Variants in PRKCE observed in about 807,000 individuals in gnomAD.
The protein encoded by PRKCE is protein kinase C epsilon type.
PRKCE carries 16 observed loss-of-function variants against 85.4 expected under a neutral mutation model. The ratio of observed to expected loss-of-function variants is 0.19; its 90% CI spans 0.13 to 0.28. The LOEUF is 0.28. PRKCE is among the 10% of genes least tolerant of loss of function. PRKCE has a pLI of 1.00. For missense variants in PRKCE, 573 were observed against 975.2 expected (o/e 0.59, Z 5.49); for synonymous variants, 388 against 371.5 (o/e 1.04, Z -0.51).
intron 2 of PRKCE, among the ~76,000 whole-genome samples, chr2:45,902,317 A>G (rs112415431): frequency 6.6e-6 from 1 of 152,148 alleles, no homozygotes; most frequent in African/African-American, 2.4e-5. Flanking sequence ...ACATACAGTA[A>G]ACAGAATTCT....
chr2:45,765,538 A>G (rs1684844449), intron 1 of PRKCE, among the ~76,000 whole-genome samples: 1 of 152,252 alleles, frequency 6.6e-6, no homozygotes, highest in Non-Finnish European at 1.5e-5. Context: ...GTTTGCTTCC[A>G]AAGTTCTTCA....
At chr2:45,971,727 C>T (rs1702121712) in intron 2 of PRKCE, among the ~76,000 whole-genome samples, 1 of 152,212 alleles carries the variant, frequency 6.6e-6, no homozygotes, top group Admixed American at 6.5e-5. Context: ...GTAAAAATCA[C>T]CTGTAATTCC....
At chr2:45,865,169 C>T (rs748992067) in intron 2 of PRKCE, among the ~76,000 whole-genome samples, 11 of 152,278 alleles carry the variant, frequency 7.2e-5, no homozygotes, top group Admixed American at 4.6e-4. Flanking sequence ...AGCTCCTAGG[C>T]GATGCCAGTT....
chr2:45,824,489 T>A (rs1028727524), intron 1 of PRKCE, among the ~76,000 whole-genome samples: 1 of 152,102 alleles, frequency 6.6e-6, no homozygotes, highest in Admixed American at 6.5e-5. Flanking sequence ...GAGGACTCCC[T>A]TCCCCAATTG....
intron 1 of PRKCE, among the ~76,000 whole-genome samples, chr2:45,759,572 C>G (rs983303836): frequency 6.6e-6 from 1 of 152,210 alleles, no homozygotes; most frequent in Admixed American, 6.5e-5. Context: ...TCCTCACATT[C>G]AGCAATTAGC....
chr2:45,732,821 T>C (rs6743119), intron 1 of PRKCE, among the ~76,000 whole-genome samples: 94,020 of 152,162 alleles, frequency 0.62, 30,921 homozygotes, highest in African/African-American at 0.86. Context: ...AAAACCGACA[T>C]GAGTGAACTG....
intron 14 of PRKCE, among the ~76,000 whole-genome samples, chr2:46,177,124 A>C (rs563102789): frequency 5.3e-4 from 80 of 152,242 alleles, no homozygotes; most frequent in African/African-American, 1.8e-3. Context: ...GATTTTAAAA[A>C]CCAATTTCAG....
intron 1 of PRKCE, among the ~76,000 whole-genome samples, chr2:45,718,448 G>A (rs1029333392): frequency 1.3e-5 from 2 of 149,174 alleles, no homozygotes; most frequent in Admixed American, 6.8e-5. Context: ...AGGTTCAAGC[G>A]AGTCTCCTGC....
intron 14 of PRKCE, among the ~76,000 whole-genome samples, chr2:46,182,565 C>T (rs182743046): frequency 6.6e-6 from 1 of 152,184 alleles, no homozygotes; most frequent in East Asian, 1.9e-4. Flanking sequence ...TGTGTCCCCC[C>T]CTTCCCCCTT....
At chr2:45,656,201 A>G (rs183860402) in intron 1 of PRKCE, among the ~76,000 whole-genome samples, 2 of 152,346 alleles carry the variant, frequency 1.3e-5, no homozygotes, top group East Asian at 3.9e-4. Context: ...AAGCCCCACT[A>G]TTCATGAAAT....
chr2:45,686,889 A>G (rs182336144), intron 1 of PRKCE, among the ~76,000 whole-genome samples: 20 of 152,312 alleles, frequency 1.3e-4, no homozygotes, highest in Admixed American at 9.2e-4. Context: ...AGATTATTCA[A>G]TAGTTTGGGA....
At chr2:45,862,869 AG>A (rs1005016454) in intron 2 of PRKCE, among the ~76,000 whole-genome samples, 2 of 152,232 alleles carry the variant, frequency 1.3e-5, no homozygotes, top group African/African-American at 4.8e-5. Context: ...AAAGCTTCGC[AG>A]GGGCTGCATT....
intron 10 of PRKCE, among the ~76,000 whole-genome samples, chr2:46,058,891 T>C (rs1666854569): frequency 6.6e-6 from 1 of 152,184 alleles, no homozygotes; most frequent in Admixed American, 6.5e-5. Context: ...TGCTATGGGA[T>C]CTTGCCGTGT....
chr2:46,027,971 G>A (rs1052103211), intron 10 of PRKCE, among the ~76,000 whole-genome samples: 3 of 150,676 alleles, frequency 2.0e-5, no homozygotes, highest in African/African-American at 4.9e-5. Flanking sequence ...AGATGGAGTC[G>A]GGCTCTGTGG....
At chr2:45,891,609 C>T (rs1054085012) in intron 2 of PRKCE, among the ~76,000 whole-genome samples, 2 of 152,180 alleles carry the variant, frequency 1.3e-5, no homozygotes, top group Admixed American at 6.5e-5. Flanking sequence ...GTGTTGGACT[C>T]CTTCGGCTTC....
intron 11 of PRKCE, among the ~76,000 whole-genome samples, chr2:46,116,001 G>A (rs1254226270): frequency 4.6e-5 from 7 of 152,244 alleles, no homozygotes; most frequent in Non-Finnish European, 1.0e-4. Flanking sequence ...TACAGGGCAG[G>A]AGGATTGGGG....
intron 11 of PRKCE, among the ~76,000 whole-genome samples, chr2:46,091,202 A>T (rs528067682): frequency 1.3e-5 from 2 of 152,142 alleles, no homozygotes; most frequent in African/African-American, 4.8e-5. Context: ...AGAATGCATT[A>T]GATCACCTGT....
At chr2:45,872,879 T>C (rs1273825249) in intron 2 of PRKCE, among the ~76,000 whole-genome samples, 1 of 152,106 alleles carries the variant, frequency 6.6e-6, no homozygotes, top group Admixed American at 6.6e-5. Flanking sequence ...CAGATGTAAA[T>C]TGAGTCATGG....
chr2:45,719,391 C>G (rs923004131), intron 1 of PRKCE, among the ~76,000 whole-genome samples: 1 of 152,024 alleles, frequency 6.6e-6, no homozygotes, highest in Non-Finnish European at 1.5e-5. Context: ...TTTTTTATTC[C>G]CCCAATGGGA....
Sources: allele counts gnomAD v4.1 joint callset (sites outside exome capture counted in the v4.1 genomes callset), GRCh38; gene constraint gnomAD v4.1.1; transcripts MANE v1.5; gene names NCBI Gene and HGNC (gene_info 2026-07-23, HGNC 2026-07-21).